The following SELENOO variants were observed in gnomAD, a reference collection of about 807,000 sequenced individuals.
SELENOO encodes the protein protein adenylyltransferase SelO, mitochondrial.
SELENOO carries 74 observed loss-of-function variants against 58.7 expected under a neutral mutation model. The ratio of observed to expected loss-of-function variants is 1.26; its 90% CI spans 1.04 to 1.53. SELENOO has a LOEUF of 1.53. Among genes scored for constraint, SELENOO ranks in the 40% most tolerant of loss-of-function variants. The pLI, the probability that SELENOO is intolerant of heterozygous loss-of-function variation, is 0.00. For synonymous variants in SELENOO, 543 were observed against 453.2 expected (o/e 1.20, Z -2.52); for missense variants, 1,149 against 970.0 (o/e 1.18, Z -2.45).
chr22:50,208,759 G>T, intron 3 of SELENOO, 43 bp downstream of exon 3: 2 of 1,578,056 alleles, frequency 1.3e-6, no homozygotes, highest in Non-Finnish European at 8.7e-7. Context: ...GTGGATGCTG[G>T]GTGTCCCCAC....
Position 50,216,830 on chromosome 22 carries a change from C to A in SELENOO, c.1642C>A (p.Gln548Lys). 1 of 1,608,778 alleles carries A rather than the reference C, an allele frequency of 6.2e-7. No homozygotes were observed. The highest frequency in any genetic ancestry group is 1.1e-5 in the South Asian group (1 of 91,034). The part of the protein sequence containing the change: ...RLEQLSAAEL[Q>K]SRNQGHWADW... ...GGAGCAGCTGAGTGCGGCAGAGCTG[C>A]AGAGCAGGAACCAGGGCCACTGGGC... The change falls in exon 7 of 9, where the codon CAG (glutamine) becomes AAG (lysine). Residue 548 changes from glutamine to lysine, a missense_variant. Gln to Lys is a moderately conservative substitution (Grantham distance 53). Coordinates refer to ENST00000380903, the MANE Select transcript of SELENOO (RefSeq NM_031454.2).
intron 3 of SELENOO, chr22:50,209,466 A>G (rs1319679822): frequency 6.6e-6 from 1 of 152,436 alleles, no homozygotes; most frequent in African/African-American, 2.4e-5. Context: ...GCCATGTTCC[A>G]TGTGGGTGGG....
At chr22:50,210,551 G>T in intron 4 of SELENOO, 80 bp from the exon 5 acceptor site, 2 of 1,592,054 alleles carry the variant, frequency 1.3e-6, no homozygotes, top group African/African-American at 1.3e-5. Context: ...CTTCCCCTGG[G>T]CCTCCCCTCC....
chr22:50,202,577 T>A (rs1267043143), intron 1 of SELENOO, among the ~76,000 whole-genome samples: 1 of 152,118 alleles, frequency 6.6e-6, no homozygotes, highest in Non-Finnish European at 1.5e-5. Flanking sequence ...TTTTTTTTTT[T>A]AATTTTTGTT....
In SELENOO at chr22:50,210,095, C is replaced by T. The variant is rs1002830160; in HGVS notation, c.940-86C>T. 1.1e-5 allele frequency: 16 copies of T among 1,508,150 alleles called. No individual in the cohort carries two copies. In the East Asian group the frequency reaches 2.3e-4, roughly 21 times the overall value. 93.4% of individuals were successfully genotyped at this position (1,508,150 alleles called of 1,614,324 possible). On this transcript the variant is annotated intron_variant, in intron 3 of 8. Coordinates refer to ENST00000380903, the MANE Select transcript of SELENOO (RefSeq NM_031454.2). ...TGAGAGCCACTCAGCGAAGCACAGCCGGTTTCAGGGAGGGGAAGGATGGAC... is the reference window on the plus strand; with the variant it reads ...TGAGAGCCACTCAGCGAAGCACAGCTGGTTTCAGGGAGGGGAAGGATGGAC...
chr22:50,212,576 C>T (rs1401713432), intron 5 of SELENOO, among the ~76,000 whole-genome samples: 1 of 152,218 alleles, frequency 6.6e-6, no homozygotes, highest in Non-Finnish European at 1.5e-5. Flanking sequence ...ACATCCGCCA[C>T]CCAAACCCTG....
In SELENOO at chr22:50,216,799, T is replaced by C. The variant is rs745558122; in HGVS notation, c.1611T>C (p.Ser537=). 3 of 1,608,736 alleles carry C rather than the reference T, an allele frequency of 1.9e-6. No homozygotes were observed. Among genetic ancestry groups the C allele is most frequent in the Middle Eastern group, 1.9e-4 (1 of 5,220 alleles). The change falls in exon 7 of 9, where the codon TCT becomes TCC. Residue 537 remains serine, a synonymous_variant. Transcript: ENST00000380903. The stretch of plus-strand genomic sequence containing the variant: ...AGCTGGAGCGTGTGGAGCAGCAGTC[T>C]CGGCTGGAGCAGCTGAGTGCGGCAG... The part of the protein sequence containing the change: ...ARELERVEQQ[S]RLEQLSAAEL...
chr22:50,204,574 C>T (rs1441963332), intron 1 of SELENOO, among the ~76,000 whole-genome samples: 1 of 151,900 alleles, frequency 6.6e-6, no homozygotes, highest in Non-Finnish European at 1.5e-5. Flanking sequence ...TTGCAGTGAG[C>T]CGAGATCACG....
chr22:50,213,683 T>A (rs2064387085), intron 5 of SELENOO, among the ~76,000 whole-genome samples: 1 of 152,162 alleles, frequency 6.6e-6, no homozygotes, highest in South Asian at 2.1e-4. Flanking sequence ...AGTCTTGCTC[T>A]GTCACCCAGG....
Position 50,207,249 on chromosome 22 carries a change from A to G in SELENOO, c.758+729A>G, listed in dbSNP as rs574624434. On this transcript the variant is annotated intron_variant, in intron 2 of 8. Transcript: ENST00000380903. ...GCGATTCTCCTACCTCAGTCCCCCC[A>G]AATAGCTGGGGTTACAGACGTGCGC... is the stretch of plus-strand genomic sequence containing the variant. Among the ~76,000 whole-genome samples the G allele has an allele frequency of 3.3e-5, 5 of 151,844 alleles. No individual in the cohort carries two copies. In the East Asian group the frequency reaches 9.7e-4, roughly 30 times the overall value.
At chr22:50,215,655 T>C in intron 5 of SELENOO, 62 bp from the exon 6 acceptor site, 1 of 1,200,230 alleles carries the variant, frequency 8.3e-7, no homozygotes, top group Non-Finnish European at 1.1e-6. Flanking sequence ...GGGGTCTGTG[T>C]GGCACCAGGA....
At chr22:50,211,839 G>A (rs1427986472) in intron 5 of SELENOO, among the ~76,000 whole-genome samples, 1 of 152,158 alleles carries the variant, frequency 6.6e-6, no homozygotes, top group African/African-American at 2.4e-5. Flanking sequence ...AAGTAGCTGG[G>A]ATTACAGGCA....
At position 50,210,746 on chromosome 22, in the gene SELENOO, G is replaced by A. The variant is rs1339973077; in HGVS notation, c.1186G>A (p.Glu396Lys). 1.9e-6 allele frequency: 3 copies of A among 1,613,572 alleles called. No individual in the cohort carries two copies. Among genetic ancestry groups the A allele is most frequent in the African/African-American group, 1.3e-5 (1 of 74,952 alleles). The change falls in exon 5 of 9, where the codon GAA (glutamate) becomes AAA (lysine). Residue 396 changes from glutamate to lysine, a missense_variant. Physicochemically the swap from Glu to Lys is moderately conservative, Grantham distance 56. Transcript: ENST00000380903. ...GAAGCTGGCCGAGGCCCTGCAGCCG[G>A]AACTGCCCCTGGAGCTGGGGGAGGC... ...LRKLAEALQP[E>K]LPLELGEAIL...
At chr22:50,214,475 C>T (rs2064392338) in intron 5 of SELENOO, among the ~76,000 whole-genome samples, 1 of 152,212 alleles carries the variant, frequency 6.6e-6, no homozygotes, top group Admixed American at 6.5e-5. Flanking sequence ...CAAAGATTAG[C>T]CAGGCATGGT....
Position 50,208,592 on chromosome 22 carries a change from C to G in SELENOO, c.815C>G (p.Pro272Arg), listed in dbSNP as rs781223501. ...GATGAGCACACAGGGCGTGCAGGCC[C>G]CAGCGTGGGGAGGAACGACATTCGA... ...SADEHTGRAGPSVGRNDIRVQ... is the reference protein window; with the variant it reads ...SADEHTGRAGRSVGRNDIRVQ... Residue 272 changes from proline to arginine, a missense_variant, in exon 3 of 9, where the codon CCC (proline) becomes CGC (arginine). By Grantham distance (103) the Pro-to-Arg change is moderately radical. Coordinates refer to ENST00000380903, the MANE Select transcript of SELENOO (RefSeq NM_031454.2). 3.7e-6 allele frequency: 6 copies of G among 1,613,974 alleles called. No homozygotes were observed. In the Admixed American group the frequency reaches 8.3e-5, roughly 22 times the overall value.
intron 6 of SELENOO, 101 bp from the exon 7 acceptor site, chr22:50,216,590 C>G (rs1046135534): frequency 3.5e-5 from 41 of 1,164,982 alleles, no homozygotes; most frequent in Non-Finnish European, 4.9e-5. Flanking sequence ...CCCTTGGACT[C>G]TAGGTGAGCC....
chr22:50,217,539 T>A lies in SELENOO; in HGVS notation c.*170T>A, dbSNP rs2064432583. ...CCAGTCAGGACCTGACCCGTCTCTGTCTGAGGCCGGCTCAGCAGTGCAGCC... is the reference window on the plus strand; with the variant it reads ...CCAGTCAGGACCTGACCCGTCTCTGACTGAGGCCGGCTCAGCAGTGCAGCC... On this transcript the variant is annotated 3_prime_UTR_variant, in exon 9 of 9. Coordinates refer to ENST00000380903, the MANE Select transcript of SELENOO (RefSeq NM_031454.2). 3 of 1,030,074 alleles carry A rather than the reference T, an allele frequency of 2.9e-6. No homozygotes were observed. Among genetic ancestry groups the A allele is most frequent in the Non-Finnish European group, 4.2e-6 (3 of 716,456 alleles). 63.8% of individuals were successfully genotyped at this position (1,030,074 alleles called of 1,614,324 possible).
intron 5 of SELENOO, among the ~76,000 whole-genome samples, chr22:50,213,168 C>A (rs1362914100): frequency 2.0e-5 from 3 of 152,020 alleles, no homozygotes; most frequent in African/African-American, 7.3e-5. Context: ...TCAAGTGGTT[C>A]TCCTCCTTCA....
intron 1 of SELENOO, among the ~76,000 whole-genome samples, chr22:50,204,018 A>G (rs2064317469): frequency 1.3e-5 from 2 of 152,368 alleles, no homozygotes; most frequent in South Asian, 4.1e-4. Context: ...TCAAAAATGG[A>G]CAAGTATTTG....
Sources: gnomAD v4.1 joint callset for allele counts (sites outside exome capture counted in the v4.1 genomes callset) on GRCh38, gnomAD v4.1.1 for gene constraint, MANE v1.5 for transcripts, NCBI Gene and HGNC (gene_info 2026-07-23, HGNC 2026-07-21) for gene names.